The following RGS6 variants were observed in gnomAD, a reference collection of about 807,000 sequenced individuals.
RGS6 encodes regulator of G-protein signaling 6.
In RGS6, 30 loss-of-function variants were observed where a neutral mutation model predicts 78.5. That is an observed-to-expected ratio of 0.38 (90% CI 0.29 to 0.52). The LOEUF is 0.52. Among genes scored for constraint, RGS6 ranks in the 20% least tolerant of loss-of-function variants. RGS6 has a pLI of 0.85. For synonymous variants in RGS6, 206 were observed against 206.0 expected (o/e 1.00, Z 0.00); for missense variants, 495 against 609.7 (o/e 0.81, Z 1.98).
chr14:72,505,959 A>T (rs2096793304), intron 13 of RGS6, among the ~76,000 whole-genome samples: 1 of 152,190 alleles, frequency 6.6e-6, no homozygotes, highest in Non-Finnish European at 1.5e-5. Context: ...TGAAAGACAG[A>T]CACCCTTGGA....
intron 2 of RGS6, among the ~76,000 whole-genome samples, chr14:72,291,175 C>G (rs2063511070): frequency 1.3e-5 from 2 of 151,970 alleles, no homozygotes; most frequent in African/African-American, 4.8e-5. Flanking sequence ...AGATGGCATT[C>G]AAGCTCCTTG....
chr14:72,475,520 G>C (rs889273513), intron 10 of RGS6, among the ~76,000 whole-genome samples: 13 of 151,948 alleles, frequency 8.6e-5, no homozygotes, highest in Non-Finnish European at 1.9e-4. Context: ...ACCTGAGGTC[G>C]GGAGTTCAAG....
chr14:72,298,923 G>A (rs1246972703), intron 2 of RGS6, among the ~76,000 whole-genome samples: 2 of 152,238 alleles, frequency 1.3e-5, no homozygotes, highest in East Asian at 1.9e-4. Context: ...AGTTCTTTGT[G>A]GGAAGTTTGT....
chr14:72,322,547 A>G (rs2072389820), intron 2 of RGS6, among the ~76,000 whole-genome samples: 1 of 152,096 alleles, frequency 6.6e-6, no homozygotes, highest in Non-Finnish European at 1.5e-5. Context: ...ATTTTTCTGA[A>G]GCTAGCATGC....
intron 12 of RGS6, among the ~76,000 whole-genome samples, chr14:72,489,155 G>C (rs1473308843): frequency 8.6e-6 from 1 of 116,514 alleles, no homozygotes; most frequent in Non-Finnish European, 1.8e-5. Flanking sequence ...GGACAAAGGG[G>C]GCCCCCCCAC....
chr14:72,527,554 C>T (rs1469008552), intron 15 of RGS6, among the ~76,000 whole-genome samples: 1 of 152,244 alleles, frequency 6.6e-6, no homozygotes, highest in Non-Finnish European at 1.5e-5. Flanking sequence ...TACAGCTAGA[C>T]TCTGCTCCCA....
chr14:72,085,950 C>G (rs1303545803), intron 2 of RGS6, among the ~76,000 whole-genome samples: 1 of 151,130 alleles, frequency 6.6e-6, no homozygotes, highest in African/African-American at 2.4e-5. Flanking sequence ...TTTGTTTCCT[C>G]GTTATAATGA....
At chr14:72,043,691 A>T (rs1423828691) in intron 2 of RGS6, among the ~76,000 whole-genome samples, 1 of 152,232 alleles carries the variant, frequency 6.6e-6, no homozygotes, top group Admixed American at 6.5e-5. Context: ...TAAATATGAT[A>T]GCCCAGGTGT....
At chr14:72,310,762 C>A (rs866100271) in intron 2 of RGS6, among the ~76,000 whole-genome samples, 51 of 152,162 alleles carry the variant, frequency 3.4e-4, no homozygotes, top group African/African-American at 1.1e-3. Context: ...CCACCAGCCT[C>A]CCCTGAGCCT....
In RGS6 at chr14:72,367,589, CA is replaced by C. The variant is rs551905483; in HGVS notation, c.184+15398del. ...CTCTTCCTTATGAAATTTTCTTGCA[CA>C]AATAATTTTCAGAAAATATCCAAGG... On this transcript the variant is annotated intron_variant, in intron 3 of 17. Transcript: ENST00000553525. 4.2e-3 allele frequency among the ~76,000 whole-genome samples: 646 copies of C among 152,296 alleles called. 2 individuals are homozygous for C. The highest frequency in any genetic ancestry group is 5.7e-3 in the Non-Finnish European group (390 of 68,024).
intron 3 of RGS6, among the ~76,000 whole-genome samples, chr14:72,453,686 A>G (rs902384112): frequency 1.3e-5 from 2 of 150,846 alleles, no homozygotes; most frequent in Non-Finnish European, 1.5e-5. Context: ...GTAATACTAG[A>G]TACCAAAACA....
At chr14:72,448,247 C>T (rs1764594605) in intron 3 of RGS6, among the ~76,000 whole-genome samples, 1 of 152,168 alleles carries the variant, frequency 6.6e-6, no homozygotes, top group Non-Finnish European at 1.5e-5. Context: ...AATGCTGCAC[C>T]TTATCATTTC....
chr14:72,598,849 C>T, the RGS6 span, among the ~76,000 whole-genome samples: 3 of 152,220 alleles, frequency 2.0e-5, no homozygotes, highest in African/African-American at 2.4e-5. Flanking sequence ...TCTAGGACTT[C>T]GGTCTCCTCT....
chr14:72,452,345 G>T (rs538465756), intron 3 of RGS6, among the ~76,000 whole-genome samples: 32 of 152,268 alleles, frequency 2.1e-4, no homozygotes, highest in Non-Finnish European at 4.0e-4. Context: ...AAGCCTAGAA[G>T]TGCTGCCTTT....
intron 2 of RGS6, among the ~76,000 whole-genome samples, chr14:72,323,197 A>G (rs1302811801): frequency 1.3e-5 from 2 of 152,200 alleles, no homozygotes; most frequent in Non-Finnish European, 2.9e-5. Flanking sequence ...TAGGTGATTG[A>G]GTACAAAAAT....
chr14:72,470,164 G>A, intron 8 of RGS6, 81 bp downstream of exon 8: 1 of 1,067,078 alleles, frequency 9.4e-7, no homozygotes, highest in Non-Finnish European at 1.4e-6. Flanking sequence ...GATTGTCAAA[G>A]TGAAGTTTCC....
intron 2 of RGS6, among the ~76,000 whole-genome samples, chr14:72,052,453 A>T (rs958194464): frequency 6.6e-6 from 1 of 152,200 alleles, no homozygotes; most frequent in Non-Finnish European, 1.5e-5. Flanking sequence ...CTCAGTGAGC[A>T]GCTTCTCCCC....
intron 2 of RGS6, among the ~76,000 whole-genome samples, chr14:71,986,114 T>G (rs1309332797): frequency 6.6e-6 from 1 of 152,218 alleles, no homozygotes; most frequent in African/African-American, 2.4e-5. Flanking sequence ...TATCTCATCC[T>G]TTGCAGTCCT....
At chr14:72,318,528 G>T (rs1419955540) in intron 2 of RGS6, among the ~76,000 whole-genome samples, 8 of 152,112 alleles carry the variant, frequency 5.3e-5, no homozygotes, top group African/African-American at 1.9e-4. Context: ...CATAAATTTT[G>T]CTTTCAAAAA....
Sources: gnomAD v4.1 joint callset for allele counts (sites outside exome capture counted in the v4.1 genomes callset) on GRCh38, gnomAD v4.1.1 for gene constraint, MANE v1.5 for transcripts, NCBI Gene and HGNC (gene_info 2026-07-23, HGNC 2026-07-21) for gene names.